The following MRTFA variants were observed in gnomAD, a reference collection of about 807,000 sequenced individuals.
The protein encoded by MRTFA is myocardin related transcription factor A.
A neutral mutation model predicts 83.5 loss-of-function variants in MRTFA; 20 were observed. The ratio of observed to expected loss-of-function variants is 0.24; its 90% CI spans 0.17 to 0.35. The LOEUF (loss-of-function observed/expected upper bound fraction) is 0.35. Among genes scored for constraint, MRTFA ranks in the 10% least tolerant of loss-of-function variants. The probability of loss-of-function intolerance (pLI) is 1.00; values close to 1 mark genes in which losing one functional copy is unlikely to be tolerated. For synonymous variants in MRTFA, 659 were observed against 541.2 expected (o/e 1.22, Z -3.02); for missense variants, 1,200 against 1,224.7 (o/e 0.98, Z 0.30).
intron 3 of MRTFA, among the ~76,000 whole-genome samples, chr22:40,514,792 T>A (rs1346017435): frequency 6.6e-6 from 1 of 151,926 alleles, no homozygotes; most frequent in Non-Finnish European, 1.5e-5. Context: ...TCCTACCTCT[T>A]ACAAAGGAAC....
At chr22:40,540,776 C>CAAAAA (rs11398739) in intron 3 of MRTFA, among the ~76,000 whole-genome samples, 3 of 91,118 alleles carry the variant, frequency 3.3e-5, no homozygotes, top group East Asian at 6.5e-4. Context: ...GACTCTGTCT[C>CAAAAA]AAAAAAAAAA....
intron 3 of MRTFA, among the ~76,000 whole-genome samples, chr22:40,493,485 C>T (rs964055903): frequency 2.6e-5 from 4 of 152,166 alleles, no homozygotes; most frequent in African/African-American, 4.8e-5. Flanking sequence ...CACTGATGCT[C>T]GTCCATCCCT....
At chr22:40,635,438 G>A (rs1343938000) in intron 1 of MRTFA, among the ~76,000 whole-genome samples, 1 of 152,200 alleles carries the variant, frequency 6.6e-6, no homozygotes, top group East Asian at 1.9e-4. Context: ...CGTCTTATGA[G>A]TTTAAAACTA....
At position 40,411,599 on chromosome 22, in the gene MRTFA, T is replaced by C; in HGVS notation, c.2887A>G (p.Thr963Ala). 6.2e-7 allele frequency: 1 copy of C among 1,613,760 alleles called. No homozygotes were observed. The highest frequency in any genetic ancestry group is 1.1e-5 in the South Asian group (1 of 91,026). ...TCAGGAACAAAGTGCAATTCCGAGG[T>C]GTCCATGGGTGACGGGGGGTGGTCC... is the stretch of plus-strand genomic sequence containing the variant. The change falls in exon 15 of 15, where the codon ACC (threonine) becomes GCC (alanine). Residue 963 changes from threonine (T) to alanine (A), a missense_variant. Thr to Ala is a moderately conservative substitution (Grantham distance 58). Around this residue, in one of 2 missense-constraint regions of MRTFA, gnomAD observed 1,107 missense variants for 1,041.8 expected, o/e 1.06. Coordinates refer to ENST00000355630, the MANE Select transcript of MRTFA (RefSeq NM_020831.6).
At chr22:40,619,336 T>C (rs989897073) in intron 1 of MRTFA, among the ~76,000 whole-genome samples, 2 of 151,356 alleles carry the variant, frequency 1.3e-5, no homozygotes, top group Non-Finnish European at 2.9e-5. Flanking sequence ...GGTAAAAATA[T>C]GAATGTTAAA....
At chr22:40,459,782 T>TACACACACAC (rs745698441) in intron 4 of MRTFA, among the ~76,000 whole-genome samples, 37 of 88,932 alleles carry the variant, frequency 4.2e-4, no homozygotes, top group South Asian at 9.9e-4. Flanking sequence ...TGATAAAATA[T>TACACACACAC]ACACACACAC....
chr22:40,563,974 C>G (rs2055666866), intron 2 of MRTFA, among the ~76,000 whole-genome samples: 1 of 152,066 alleles, frequency 6.6e-6, no homozygotes, highest in Non-Finnish European at 1.5e-5. Context: ...GTGTTGATAT[C>G]CTGAATTGGG....
chr22:40,527,753 C>T (rs990876949), intron 3 of MRTFA, among the ~76,000 whole-genome samples: 2 of 137,790 alleles, frequency 1.5e-5, no homozygotes, highest in Non-Finnish European at 3.1e-5. Flanking sequence ...AGCAAGACTC[C>T]ATCTTAAAAA....
At chr22:40,563,374 G>T (rs1158388221) in intron 2 of MRTFA, among the ~76,000 whole-genome samples, 2 of 151,902 alleles carry the variant, frequency 1.3e-5, no homozygotes, top group South Asian at 2.1e-4. Flanking sequence ...CATTCTACTG[G>T]TTTTTTTGTC....
chr22:40,590,722 T>G (rs992750334), intron 2 of MRTFA, among the ~76,000 whole-genome samples: 9 of 150,174 alleles, frequency 6.0e-5, no homozygotes, highest in Admixed American at 2.7e-4. Context: ...TATGACAATA[T>G]TCACATCTTT....
chr22:40,504,442 A>G (rs1389071728), intron 3 of MRTFA, among the ~76,000 whole-genome samples: 1 of 152,258 alleles, frequency 6.6e-6, no homozygotes, highest in South Asian at 2.1e-4. Context: ...AAATTAGGCC[A>G]TGGCTGGTTC....
Position 40,636,614 on chromosome 22 carries a change from A to C in MRTFA, c.-220T>G, listed in dbSNP as rs2056704596. 1 of 152,304 alleles carries C rather than the reference A, an allele frequency of 6.6e-6. No individual in the cohort carries two copies. Among genetic ancestry groups the C allele is most frequent in the Non-Finnish European group, 1.5e-5 (1 of 68,090 alleles). The allele number at this position is 152,304 out of a possible 1,614,324, so 9.4% of individuals were successfully genotyped here. Reference sequence around the variant, plus strand: ...CGCCGCCAGCGGAGGGCGTGTGGCCAGCGGCAACCAAGAGGGTGGGAAAGA... The same window carrying C: ...CGCCGCCAGCGGAGGGCGTGTGGCCCGCGGCAACCAAGAGGGTGGGAAAGA... On this transcript the variant is annotated 5_prime_UTR_variant, in exon 1 of 15. Coordinates refer to ENST00000355630, the MANE Select transcript of MRTFA (RefSeq NM_020831.6).
chr22:40,609,482 C>CAAAAAAAAAAA (rs148106089), intron 1 of MRTFA, among the ~76,000 whole-genome samples: 1 of 69,722 alleles, frequency 1.4e-5, no homozygotes, highest in Non-Finnish European at 2.5e-5. Context: ...GTCTCTTTAA[C>CAAAAAAAAAAA]AAAAAAAAAA....
intron 3 of MRTFA, among the ~76,000 whole-genome samples, chr22:40,484,248 A>G (rs1476367177): frequency 1.3e-5 from 2 of 152,182 alleles, no homozygotes; most frequent in African/African-American, 4.8e-5. Context: ...ATAAAAATTT[A>G]AAAATAAAAT....
At chr22:40,512,878 T>TTACA (rs1337643677) in intron 3 of MRTFA, among the ~76,000 whole-genome samples, 1 of 152,230 alleles carries the variant, frequency 6.6e-6, no homozygotes, top group African/African-American at 2.4e-5. Context: ...TAAAAGTAAT[T>TTACA]TGTAAACTTT....
chr22:40,632,949 A>G (rs1430685609), intron 1 of MRTFA, among the ~76,000 whole-genome samples: 1 of 152,206 alleles, frequency 6.6e-6, no homozygotes, highest in Non-Finnish European at 1.5e-5. Context: ...TCAAAACTCT[A>G]TTAAAGCCTT....
At chr22:40,437,126 A>G (rs1277965799) in intron 4 of MRTFA, among the ~76,000 whole-genome samples, 1 of 152,182 alleles carries the variant, frequency 6.6e-6, no homozygotes, top group Non-Finnish European at 1.5e-5. Flanking sequence ...AATAACATCA[A>G]AGAAAAACCA....
chr22:40,452,012 C>G (rs2053501729), intron 4 of MRTFA, among the ~76,000 whole-genome samples: 1 of 110,904 alleles, frequency 9.0e-6, no homozygotes, highest in South Asian at 3.2e-4. Context: ...GAGACAGAGT[C>G]TCACCCTGTA....
At chr22:40,525,197 T>A (rs185018298) in intron 3 of MRTFA, among the ~76,000 whole-genome samples, 1,777 of 152,176 alleles carry the variant, frequency 0.012, 22 homozygotes, top group Non-Finnish European at 0.017. Flanking sequence ...ATGGAAAAAA[T>A]ATAATGTCCC....
Sources: allele counts gnomAD v4.1 joint callset (sites outside exome capture counted in the v4.1 genomes callset), GRCh38; gene constraint gnomAD v4.1.1; regional missense constraint gnomAD v4.1.1; transcripts MANE v1.5; gene names NCBI Gene and HGNC (gene_info 2026-07-23, HGNC 2026-07-21).